RAPGEF5: variants seen among roughly 807,000 people sequenced by gnomAD.
The protein encoded by RAPGEF5 is M-Ras-regulated GEF.
A neutral mutation model predicts 125.2 loss-of-function variants in RAPGEF5; 65 were observed. The observed-to-expected ratio is 0.52, with a 90% CI of 0.43 to 0.64. The LOEUF (loss-of-function observed/expected upper bound fraction) is 0.64. RAPGEF5 is among the 30% of genes least tolerant of loss of function. RAPGEF5 has a pLI of 0.00. For synonymous variants in RAPGEF5, 391 were observed against 385.9 expected, an observed-to-expected ratio of 1.01 and a Z score of -0.16; for missense variants, 958 against 1,048.1, an observed-to-expected ratio of 0.91 and a Z score of 1.19.
chr7:22,240,068 G>C (rs968057981), intron 7 of RAPGEF5, among the ~76,000 whole-genome samples: 1 of 151,910 alleles, frequency 6.6e-6, no homozygotes, highest in Non-Finnish European at 1.5e-5. Flanking sequence ...AAATTAGCCA[G>C]GAGTGGTGGC....
chr7:22,271,344 C>T (rs1258874672), intron 6 of RAPGEF5, among the ~76,000 whole-genome samples: 1 of 152,128 alleles, frequency 6.6e-6, no homozygotes, highest in Non-Finnish European at 1.5e-5. Context: ...TCCAAGGCCC[C>T]ATATTTCGAC....
chr7:22,179,286 AAT>A (rs1336906972), intron 11 of RAPGEF5, among the ~76,000 whole-genome samples: 2 of 152,166 alleles, frequency 1.3e-5, no homozygotes, highest in Non-Finnish European at 2.9e-5. Flanking sequence ...TTATATGAAA[AAT>A]GTTTCTAACA....
chr7:22,190,601 A>G (rs989223899), intron 11 of RAPGEF5, among the ~76,000 whole-genome samples: 3 of 152,216 alleles, frequency 2.0e-5, no homozygotes, highest in African/African-American at 7.2e-5. Flanking sequence ...CCTCCCGGCT[A>G]TATTCAATGG....
Position 22,122,333 on chromosome 7 carries a change from A to G in RAPGEF5, c.*73T>C, listed in dbSNP as rs1782604301. ...CTCAGCAACTTCTTTTCTCACAGGAAAGCAACGTGCTTGGCATAGACATTC... is the reference window on the plus strand; with the variant it reads ...CTCAGCAACTTCTTTTCTCACAGGAGAGCAACGTGCTTGGCATAGACATTC... On this transcript the variant is annotated 3_prime_UTR_variant, in exon 26 of 26. Coordinates refer to ENST00000665637, the MANE Select transcript of RAPGEF5 (RefSeq NM_012294.5). 1.6e-6 allele frequency: 2 copies of G among 1,268,224 alleles called. No individual in the cohort carries two copies. The highest frequency in any genetic ancestry group is 2.3e-6 in the Non-Finnish European group (2 of 882,456). 78.6% of individuals were successfully genotyped at this position (1,268,224 alleles called of 1,614,324 possible). A position where few individuals can be genotyped will look rare whatever the true frequency, so the allele number is the denominator to read the frequency against.
At chr7:22,128,382 A>T (rs572350219) in intron 24 of RAPGEF5, among the ~76,000 whole-genome samples, 3 of 152,196 alleles carry the variant, frequency 2.0e-5, no homozygotes, top group Non-Finnish European at 4.4e-5. Context: ...GACTCAGTGT[A>T]CTGGCCTGCA....
In RAPGEF5 at chr7:22,331,606, G is replaced by A. The variant is rs551476068; in HGVS notation, c.232-13569C>T. 3.3e-4 allele frequency among the ~76,000 whole-genome samples: 50 copies of A among 152,150 alleles called. No individual in the cohort carries two copies. The South Asian group carries it at 4.4e-3, about 13-fold the overall frequency. On this transcript the variant is annotated intron_variant, in intron 1 of 25. Transcript: ENST00000665637. ...TAAAAATACAAAAAATCAGCCAGGC[G>A]TGGTGGTGGGCGCCCGTAGTCCCAG...
At chr7:22,310,150 C>T in intron 3 of RAPGEF5, 60 bp from the exon 4 acceptor site, 2 of 1,393,750 alleles carry the variant, frequency 1.4e-6, no homozygotes, top group South Asian at 3.3e-5. Flanking sequence ...GCCAAAAAAA[C>T]AAAAATGATA....
rs573475154 is a variant in RAPGEF5, at chr7:22,329,125, A to C, written c.232-11088T>G. On this transcript the variant is annotated intron_variant, in intron 1 of 25. Coordinates refer to ENST00000665637, the MANE Select transcript of RAPGEF5 (RefSeq NM_012294.5). ...GGATTCTATTTTTAGAATGCTCTCAATTTTTAATTTTAATCAAACTTCATT... is the reference window on the plus strand; with the variant it reads ...GGATTCTATTTTTAGAATGCTCTCACTTTTTAATTTTAATCAAACTTCATT... Among the ~76,000 whole-genome samples the C allele has an allele frequency of 2.0e-5, 3 of 152,298 alleles. No individual in the cohort carries two copies. In the East Asian group the frequency reaches 5.8e-4, roughly 29 times the overall value.
Position 22,266,951 on chromosome 7 carries a change from A to C in RAPGEF5, c.796+13T>G. ...ATTAGAATCTTCCTCCAGCCCCATA[A>C]AAGATGACTTACCAGACTTCCTTGC... is the stretch of plus-strand genomic sequence containing the variant. On this transcript the variant is annotated intron_variant, in intron 7 of 25. Transcript: ENST00000665637. 2 of 1,601,248 alleles carry C rather than the reference A, an allele frequency of 1.2e-6. No homozygotes were observed. Among genetic ancestry groups the C allele is most frequent in the South Asian group, 2.2e-5 (2 of 90,662 alleles).
chr7:22,177,745 C>T (rs2128120142), intron 11 of RAPGEF5, among the ~76,000 whole-genome samples: 1 of 152,324 alleles, frequency 6.6e-6, no homozygotes, highest in East Asian at 1.9e-4. Flanking sequence ...AGAGAATAAC[C>T]ACCCAGGGCT....
At chr7:22,292,613 T>G (rs150897673) in intron 5 of RAPGEF5, among the ~76,000 whole-genome samples, 5 of 152,350 alleles carry the variant, frequency 3.3e-5, no homozygotes, top group African/African-American at 1.2e-4. Flanking sequence ...TCTGTGGTTA[T>G]ACTGAGAACA....
chr7:22,160,429 T>A, intron 14 of RAPGEF5, 89 bp downstream of exon 14: 1 of 1,272,392 alleles, frequency 7.9e-7, no homozygotes. Flanking sequence ...ATGTTCAAAA[T>A]CAACTTTTAT....
chr7:22,188,877 C>G (rs1346121506), intron 11 of RAPGEF5, among the ~76,000 whole-genome samples: 2 of 151,466 alleles, frequency 1.3e-5, no homozygotes, highest in East Asian at 3.9e-4. Flanking sequence ...GAGGTTGTTT[C>G]CTCTTTAGAA....
chr7:22,250,282 C>G (rs924984079), intron 7 of RAPGEF5, among the ~76,000 whole-genome samples: 3 of 152,082 alleles, frequency 2.0e-5, no homozygotes, highest in African/African-American at 7.2e-5. Context: ...ATAGCTAGAA[C>G]CAGGGCTTGC....
intron 7 of RAPGEF5, among the ~76,000 whole-genome samples, chr7:22,248,688 A>C (rs1398413442): frequency 6.6e-6 from 1 of 152,178 alleles, no homozygotes; most frequent in African/African-American, 2.4e-5. Context: ...ATAAGTGATA[A>C]ACGCGTGTCT....
intron 7 of RAPGEF5, among the ~76,000 whole-genome samples, chr7:22,261,051 C>T (rs1310579432): frequency 4.6e-5 from 7 of 152,244 alleles, no homozygotes; most frequent in African/African-American, 1.2e-4. Flanking sequence ...TTGATTTCCA[C>T]ATCACACCAT....
At chr7:22,341,338 C>T (rs569228704) in intron 1 of RAPGEF5, among the ~76,000 whole-genome samples, 16 of 152,302 alleles carry the variant, frequency 1.1e-4, no homozygotes, top group South Asian at 4.2e-4. Context: ...TACCTCCCAC[C>T]GGGTTCCTCC....
At chr7:22,228,336 G>A (rs1469224578) in intron 8 of RAPGEF5, among the ~76,000 whole-genome samples, 1 of 152,092 alleles carries the variant, frequency 6.6e-6, no homozygotes, top group Non-Finnish European at 1.5e-5. Context: ...TATCTATCCT[G>A]GAGGGTTTGC....
chr7:22,289,228 T>C (rs1346203652), intron 6 of RAPGEF5, among the ~76,000 whole-genome samples: 3 of 152,368 alleles, frequency 2.0e-5, no homozygotes, highest in Non-Finnish European at 2.9e-5. Flanking sequence ...GGTGTGGCTA[T>C]AGGAACCAAA....
Sources: gnomAD v4.1 joint callset for allele counts (sites outside exome capture counted in the v4.1 genomes callset) on GRCh38, gnomAD v4.1.1 for gene constraint, MANE v1.5 for transcripts, NCBI Gene and HGNC (gene_info 2026-07-23, HGNC 2026-07-21) for gene names.